ATG10: variants seen among roughly 807,000 people sequenced by gnomAD.
ATG10 encodes ubiquitin-like-conjugating enzyme ATG10.
ATG10 carries 30 observed loss-of-function variants against 32.1 expected under a neutral mutation model. The observed-to-expected ratio is 0.94, with a 90% confidence interval of 0.70 to 1.27. The LOEUF is 1.27. ATG10 is among the 50% of genes most tolerant of loss of function. ATG10 has a pLI of 0.00. For synonymous variants in ATG10, 87 were observed against 91.5 expected, an observed-to-expected ratio of 0.95 and a Z score of 0.28; for missense variants, 233 against 262.3, an observed-to-expected ratio of 0.89 and a Z score of 0.77.
At chr5:82,156,353 G>T (rs1273318738) in intron 3 of ATG10, among the ~76,000 whole-genome samples, 2 of 152,162 alleles carry the variant, frequency 1.3e-5, no homozygotes, top group Non-Finnish European at 2.9e-5. Context: ...TGCTTATAAG[G>T]TGAAGTCTTA....
At chr5:82,045,059 C>G (rs1763195704) in intron 2 of ATG10, among the ~76,000 whole-genome samples, 1 of 152,150 alleles carries the variant, frequency 6.6e-6, no homozygotes, top group African/African-American at 2.4e-5. Flanking sequence ...TAGAAACTTT[C>G]TCTAGCGGGG....
At chr5:82,217,793 C>T (rs1001180556) in intron 5 of ATG10, among the ~76,000 whole-genome samples, 1 of 146,734 alleles carries the variant, frequency 6.8e-6, no homozygotes, top group Non-Finnish European at 1.5e-5. Context: ...GGCAATATAA[C>T]AAGACCCCCT....
At chr5:82,092,364 C>A (rs1442436026) in intron 3 of ATG10, among the ~76,000 whole-genome samples, 3 of 152,078 alleles carry the variant, frequency 2.0e-5, no homozygotes, top group African/African-American at 7.2e-5. Flanking sequence ...ATGACAAAGG[C>A]TTTTAAAACA....
In ATG10 at chr5:82,034,801, C is replaced by A. The variant is rs577127209; in HGVS notation, c.109-23694C>A. The stretch of plus-strand genomic sequence containing the variant: ...CCCTTACTTTCTTCATATCTGTGCT[C>A]AAATGGCACCTTATCAGTGAGATCA... On this transcript the variant is annotated intron_variant, in intron 2 of 7. Transcript: ENST00000282185. Among the ~76,000 whole-genome samples, 23 of 152,270 alleles carry A rather than the reference C, an allele frequency of 1.5e-4. No homozygotes were observed. The South Asian group carries it at 3.9e-3, about 26-fold the overall frequency.
chr5:81,992,196 C>G (rs1045263052), intron 2 of ATG10: 5 of 151,970 alleles, frequency 3.3e-5, no homozygotes, highest in Admixed American at 3.3e-4. Context: ...CACTATGTTG[C>G]CCAGGCTGGT....
chr5:81,976,994 G>C (rs916729083), intron 1 of ATG10, among the ~76,000 whole-genome samples: 1 of 152,026 alleles, frequency 6.6e-6, no homozygotes, highest in Non-Finnish European at 1.5e-5. Flanking sequence ...TCCCACCTCA[G>C]CCTCCCAAGT....
intron 5 of ATG10, among the ~76,000 whole-genome samples, chr5:82,211,783 T>C (rs187722532): frequency 6.6e-4 from 100 of 152,338 alleles, no homozygotes; most frequent in African/African-American, 2.2e-3. Flanking sequence ...CCCAACTTCA[T>C]TGGGTTCTTC....
At chr5:82,089,342 C>CAA (rs111488674) in intron 3 of ATG10, among the ~76,000 whole-genome samples, 85 of 141,658 alleles carry the variant, frequency 6.0e-4, no homozygotes, top group South Asian at 5.8e-3. Context: ...AACTCTGTCT[C>CAA]AAAAAAAAAA....
intron 3 of ATG10, among the ~76,000 whole-genome samples, chr5:82,152,122 A>T (rs939317961): frequency 6.6e-6 from 1 of 152,256 alleles, no homozygotes. Flanking sequence ...CACCATTACT[A>T]AATAAAATAA....
At chr5:82,246,535 GA>G (rs1020229121) in intron 5 of ATG10, among the ~76,000 whole-genome samples, 1 of 141,306 alleles carries the variant, frequency 7.1e-6, no homozygotes, top group African/African-American at 2.5e-5. Context: ...AAAAAAAAAA[GA>G]AAAAAAGAAA....
At chr5:82,232,757 C>G (rs1335804825) in intron 5 of ATG10, among the ~76,000 whole-genome samples, 1 of 104,130 alleles carries the variant, frequency 9.6e-6, no homozygotes, top group Non-Finnish European at 1.9e-5. Flanking sequence ...CACCCAGCAG[C>G]CAACATTTTT....
At chr5:82,163,697 A>G (rs1037346193) in intron 3 of ATG10, among the ~76,000 whole-genome samples, 1 of 152,160 alleles carries the variant, frequency 6.6e-6, no homozygotes, top group Non-Finnish European at 1.5e-5. Context: ...AAAGCCCCAC[A>G]CACAAAAATC....
chr5:82,116,720 G>A (rs1765826109), intron 3 of ATG10, among the ~76,000 whole-genome samples: 1 of 152,088 alleles, frequency 6.6e-6, no homozygotes, highest in Non-Finnish European at 1.5e-5. Context: ...TTTCAATCAG[G>A]ATTCCAATGT....
intron 3 of ATG10, among the ~76,000 whole-genome samples, chr5:82,138,810 G>A (rs2149855292): frequency 6.8e-6 from 1 of 147,352 alleles, no homozygotes; most frequent in African/African-American, 2.5e-5. Flanking sequence ...AAAATTTGAA[G>A]CTATCTAATG....
chr5:82,038,068 A>C (rs1478532447), intron 2 of ATG10, among the ~76,000 whole-genome samples: 1 of 152,252 alleles, frequency 6.6e-6, no homozygotes, highest in Non-Finnish European at 1.5e-5. Flanking sequence ...TATTTTCAAG[A>C]TAAAGATTGT....
intron 2 of ATG10, among the ~76,000 whole-genome samples, chr5:82,030,582 C>CT (rs890293980): frequency 6.6e-6 from 1 of 152,162 alleles, no homozygotes; most frequent in Non-Finnish European, 1.5e-5. Context: ...CTGATTCTGT[C>CT]TTTCCTCATA....
chr5:82,064,046 G>T (rs1291080695), intron 3 of ATG10, among the ~76,000 whole-genome samples: 1 of 152,146 alleles, frequency 6.6e-6, no homozygotes, highest in Non-Finnish European at 1.5e-5. Context: ...TGAACTCAAA[G>T]AATAATCCTA....
intron 2 of ATG10, among the ~76,000 whole-genome samples, chr5:82,055,473 G>A (rs1763561948): frequency 6.6e-6 from 1 of 152,058 alleles, no homozygotes; most frequent in Non-Finnish European, 1.5e-5. Flanking sequence ...CTCTTTTAAT[G>A]TCAAAGGAGA....
intron 3 of ATG10, among the ~76,000 whole-genome samples, chr5:82,061,818 CTTTTTTTTTTT>C (rs11459926): frequency 4.9e-5 from 4 of 80,922 alleles, no homozygotes; most frequent in African/African-American, 1.0e-4. Context: ...ACACACATAC[CTTTTTTTTTTT>C]TTTTTTTTTT....
Sources: gnomAD v4.1 joint callset for allele counts (sites outside exome capture counted in the v4.1 genomes callset) on GRCh38, gnomAD v4.1.1 for gene constraint, MANE v1.5 for transcripts, NCBI Gene and HGNC (gene_info 2026-07-23, HGNC 2026-07-21) for gene names.